The following KIAA0825 variants were observed in gnomAD, a reference collection of about 807,000 sequenced individuals.
KIAA0825 encodes KIAA0825, also known as uncharacterized protein KIAA0825.
KIAA0825 carries 119 observed loss-of-function variants against 147.6 expected under a neutral mutation model. That is an observed-to-expected ratio of 0.81 (90% CI 0.69 to 0.94). KIAA0825 has a LOEUF of 0.94. Among genes scored for constraint, KIAA0825 ranks in the 40% least tolerant of loss-of-function variants. The pLI is 0.00. For missense variants in KIAA0825, 1,381 were observed against 1,472.7 expected, an observed-to-expected ratio of 0.94 and a Z score of 1.02; for synonymous variants, 470 against 518.1, an observed-to-expected ratio of 0.91 and a Z score of 1.26.
chr5:94,203,822 T>G (rs1322637787), intron 20 of KIAA0825, among the ~76,000 whole-genome samples: 2 of 152,158 alleles, frequency 1.3e-5, no homozygotes, highest in African/African-American at 2.4e-5. Context: ...TCCTCTCTTT[T>G]TAGATACACT....
chr5:94,292,392 T>C (rs1777938976), intron 20 of KIAA0825, among the ~76,000 whole-genome samples: 1 of 152,230 alleles, frequency 6.6e-6, no homozygotes, highest in Non-Finnish European at 1.5e-5. Context: ...TGGTTCTGTT[T>C]ATGTGATGGA....
In KIAA0825 at chr5:94,159,699, C is replaced by T. The variant is rs146614696; in HGVS notation, c.3711-5575G>A. Among the ~76,000 whole-genome samples the T allele has an allele frequency of 1.0e-3, 155 of 152,260 alleles. 1 individual carries two copies. Among genetic ancestry groups the T allele is most frequent in the African/African-American group, 3.6e-3 (151 of 41,546 alleles). On this transcript the variant is annotated intron_variant, in intron 20 of 20. Coordinates refer to ENST00000682413, the MANE Select transcript of KIAA0825 (RefSeq NM_001145678.3). ...TAGTCTACTACTCTGTTCACCCTAGCATGGCCAAGGTTGTTTTTGTTTTCC... is the reference window on the plus strand; with the variant it reads ...TAGTCTACTACTCTGTTCACCCTAGTATGGCCAAGGTTGTTTTTGTTTTCC...
intron 20 of KIAA0825, among the ~76,000 whole-genome samples, chr5:94,376,541 C>T (rs1229714949): frequency 6.6e-6 from 1 of 152,088 alleles, no homozygotes; most frequent in Non-Finnish European, 1.5e-5. Flanking sequence ...TTCCCTTAGC[C>T]CTACAAATTC....
intron 5 of KIAA0825, chr5:94,519,664 T>C: frequency 1.5e-6 from 1 of 654,304 alleles, no homozygotes; most frequent in Non-Finnish European, 1.9e-6. Context: ...ATTATAGTAT[T>C]TCATAGTTGC....
At chr5:94,337,200 A>G (rs902724687) in intron 20 of KIAA0825, among the ~76,000 whole-genome samples, 12 of 152,302 alleles carry the variant, frequency 7.9e-5, no homozygotes, top group Non-Finnish European at 8.8e-5. Flanking sequence ...TAGAAAAAAA[A>G]TGAGATTGTA....
chr5:94,294,649 T>A (rs1437152713), intron 20 of KIAA0825, among the ~76,000 whole-genome samples: 1 of 152,162 alleles, frequency 6.6e-6, no homozygotes, highest in African/African-American at 2.4e-5. Flanking sequence ...TCACTTGAAC[T>A]GTGGAGGTGG....
At chr5:94,530,445 T>C (rs1330431793) in intron 3 of KIAA0825, among the ~76,000 whole-genome samples, 1 of 152,072 alleles carries the variant, frequency 6.6e-6, no homozygotes, top group Admixed American at 6.6e-5. Context: ...CCACCATGCC[T>C]GGCTTAAAGA....
At chr5:94,529,101 G>A (rs544672761) in intron 3 of KIAA0825, among the ~76,000 whole-genome samples, 3 of 151,210 alleles carry the variant, frequency 2.0e-5, no homozygotes, top group South Asian at 2.1e-4. Flanking sequence ...CAGATTTGAC[G>A]AGAAGCTACA....
intron 20 of KIAA0825, among the ~76,000 whole-genome samples, chr5:94,196,084 G>A (rs1318879996): frequency 6.6e-6 from 1 of 152,166 alleles, no homozygotes; most frequent in East Asian, 1.9e-4. Context: ...AATGAAGGTT[G>A]TGGGGATATA....
chr5:94,289,500 A>G (rs1226399478), intron 20 of KIAA0825, among the ~76,000 whole-genome samples: 2 of 150,278 alleles, frequency 1.3e-5, no homozygotes, highest in Non-Finnish European at 3.0e-5. Flanking sequence ...GCACCACTGC[A>G]CTTCAGCCTG....
At position 94,341,887 on chromosome 5, in the gene KIAA0825, C is replaced by T. The variant is rs575291140; in HGVS notation, c.3710+42481G>A. Among the ~76,000 whole-genome samples, 8 of 152,150 alleles carry T rather than the reference C, an allele frequency of 5.3e-5. No homozygotes were observed. The South Asian group carries it at 8.3e-4, about 16-fold the overall frequency. ...TATACTGAGGGAAATAAAGACTCCCCTCATCTCAGATTAAGAGCAATCTCG... is the reference window on the plus strand; with the variant it reads ...TATACTGAGGGAAATAAAGACTCCCTTCATCTCAGATTAAGAGCAATCTCG... On this transcript the variant is annotated intron_variant, in intron 20 of 20. Coordinates refer to ENST00000682413, the MANE Select transcript of KIAA0825 (RefSeq NM_001145678.3).
chr5:94,312,804 T>A (rs1198032559), intron 20 of KIAA0825, among the ~76,000 whole-genome samples: 1 of 151,688 alleles, frequency 6.6e-6, no homozygotes. Flanking sequence ...GAGCAAACAT[T>A]AAATTCACCG....
At chr5:94,489,741 C>A (rs536091789) in intron 5 of KIAA0825, among the ~76,000 whole-genome samples, 1 of 151,652 alleles carries the variant, frequency 6.6e-6, no homozygotes, top group African/African-American at 2.4e-5. Context: ...CAAAAATTAG[C>A]CAGGCGTGGT....
intron 20 of KIAA0825, among the ~76,000 whole-genome samples, chr5:94,338,134 A>C (rs1781993492): frequency 1.3e-5 from 2 of 152,224 alleles, no homozygotes; most frequent in African/African-American, 4.8e-5. Flanking sequence ...ATTCAACCAG[A>C]TGAGTGATAA....
intron 13 of KIAA0825, among the ~76,000 whole-genome samples, chr5:94,443,726 T>C (rs1002967223): frequency 6.6e-6 from 1 of 152,202 alleles, no homozygotes; most frequent in South Asian, 2.1e-4. Flanking sequence ...TGGTATGTAC[T>C]CATGCTGCAA....
At chr5:94,554,936 C>T (rs1348223910) in intron 2 of KIAA0825, among the ~76,000 whole-genome samples, 1 of 150,970 alleles carries the variant, frequency 6.6e-6, no homozygotes, top group Non-Finnish European at 1.5e-5. Flanking sequence ...CTATAAATTG[C>T]CTCTCTATAT....
intron 2 of KIAA0825, among the ~76,000 whole-genome samples, chr5:94,564,826 T>TGTGCAGG (rs1481136614): frequency 6.6e-6 from 1 of 152,180 alleles, no homozygotes; most frequent in East Asian, 1.9e-4. Context: ...AACTTATCCC[T>TGTGCAGG]GTGCAGGGTT....
intron 20 of KIAA0825, among the ~76,000 whole-genome samples, chr5:94,289,421 G>C (rs1046701326): frequency 6.6e-6 from 1 of 151,714 alleles, no homozygotes; most frequent in Non-Finnish European, 1.5e-5. Context: ...TGTAATCCCA[G>C]CTACTTGGGA....
rs373774718 is a variant in KIAA0825, at chr5:94,585,380, G to C, written c.-152-2797C>G. The stretch of plus-strand genomic sequence containing the variant: ...AAATGGAAAGCAAAGAAAAAGCAGG[G>C]GTTGCAATCCTGGTCTCTGATGAAA... On this transcript the variant is annotated intron_variant, in intron 1 of 20. Transcript: ENST00000682413. 1.4e-4 allele frequency among the ~76,000 whole-genome samples: 21 copies of C among 152,180 alleles called. No individual in the cohort carries two copies. In the South Asian group the frequency reaches 4.4e-3, roughly 32 times the overall value.
Sources: gnomAD v4.1 joint callset for allele counts (sites outside exome capture counted in the v4.1 genomes callset) on GRCh38, gnomAD v4.1.1 for gene constraint, MANE v1.5 for transcripts, NCBI Gene and HGNC (gene_info 2026-07-23, HGNC 2026-07-21) for gene names.